Variants in MIDEAS observed in about 807,000 individuals in gnomAD.
MIDEAS encodes mitotic deacetylase associated SANT domain protein, also known as mitotic deacetylase-associated SANT domain protein.
A neutral mutation model predicts 102.7 loss-of-function variants in MIDEAS; 26 were observed. The ratio of observed to expected loss-of-function variants is 0.25; its 90% CI spans 0.19 to 0.35. MIDEAS has a LOEUF of 0.35. Among genes scored for constraint, MIDEAS ranks in the 10% least tolerant of loss-of-function variants. The pLI is 1.00. For synonymous variants in MIDEAS, 585 were observed against 591.0 expected, an observed-to-expected ratio of 0.99 and a Z score of 0.15; for missense variants, 1,231 against 1,435.6, an observed-to-expected ratio of 0.86 and a Z score of 2.30.
chr14:73,781,315 T>C (rs2053755305), intron 1 of MIDEAS, among the ~76,000 whole-genome samples: 1 of 152,230 alleles, frequency 6.6e-6, no homozygotes, highest in Non-Finnish European at 1.5e-5. Flanking sequence ...ATTCTAAAAG[T>C]TGATTATTTT....
At chr14:73,773,136 C>T (rs1047822883) in intron 1 of MIDEAS, among the ~76,000 whole-genome samples, 1 of 148,900 alleles carries the variant, frequency 6.7e-6, no homozygotes, top group African/African-American at 2.4e-5. Flanking sequence ...CCACGCCTGG[C>T]TTCTCATACA....
Position 73,739,915 on chromosome 14 carries a change from G to A in MIDEAS, c.94C>T (p.Leu32=), listed in dbSNP as rs201885011. The part of the protein sequence containing the change: ...EPAPKEQPPP[L]QPPQQSIRVK... ...CTGATGGACTGCTGGGGGGGCTGCA[G>A]GGGAGGGGGCTGCTCCTTGGGAGCT... Residue 32 remains leucine (L), a synonymous_variant, in exon 2 of 13, where the codon CTG becomes TTG. Transcript: ENST00000423556. 5 of 1,544,006 alleles carry A rather than the reference G, an allele frequency of 3.2e-6. No homozygotes were observed. The East Asian group carries it at 6.8e-5, about 21-fold the overall frequency.
At chr14:73,724,802 G>C (rs981049233) in intron 9 of MIDEAS, 5 of 166,196 alleles carry the variant, frequency 3.0e-5, no homozygotes, top group Middle Eastern at 3.2e-3. Flanking sequence ...GATAAATCTA[G>C]GGAATGTGGG....
rs368686037 is a variant in MIDEAS at position 73,758,261 on chromosome 14, T to C, written c.-248+1502A>G. Among the ~76,000 whole-genome samples, 332 of 152,376 alleles carry C rather than the reference T, an allele frequency of 2.2e-3. 2 individuals carry two copies. The highest frequency in any genetic ancestry group is 7.5e-3 in the African/African-American group (314 of 41,594). ...ACCCGGGAAGGCTTCTCCTTTTCCC[T>C]GGGTTCTGAAGCCACTTAACACCCA... On this transcript the variant is annotated intron_variant, in intron 1 of 12. Coordinates refer to ENST00000423556, the MANE Select transcript of MIDEAS (RefSeq NM_001367710.1).
In MIDEAS at chr14:73,786,970, C is replaced by T. The variant is rs1200049088; in HGVS notation, c.-248+132G>A. 2.0e-5 allele frequency: 3 copies of T among 151,876 alleles called. No individual in the cohort carries two copies. In the East Asian group the frequency reaches 5.8e-4, roughly 29 times the overall value. The allele number at this position is 151,876 out of a possible 1,614,324, so 9.4% of individuals were successfully genotyped here. The stretch of plus-strand genomic sequence containing the variant: ...CGCCGAGCTCCCTCCCTGCAGCACC[C>T]CGGCACCCCAGCGCCCGGCCCAACC... On this transcript the variant is annotated intron_variant, in intron 1 of 11. Transcript: ENST00000394071.
intron 11 of MIDEAS, 65 bp downstream of exon 11, chr14:73,721,232 C>T: frequency 6.7e-7 from 1 of 1,499,460 alleles, no homozygotes; most frequent in Non-Finnish European, 9.2e-7. Flanking sequence ...TACCCTCCCT[C>T]CCACGCCCCC....
intron 9 of MIDEAS, 60 bp from the exon 10 acceptor site, chr14:73,722,907 A>G: frequency 1.3e-6 from 2 of 1,580,412 alleles, no homozygotes; most frequent in Non-Finnish European, 8.6e-7. Flanking sequence ...GCCTGTGGAG[A>G]ATCCAGCCTT....
At chr14:73,779,458 C>T (rs111919714) in intron 1 of MIDEAS, among the ~76,000 whole-genome samples, 1,629 of 150,106 alleles carry the variant, frequency 0.011, 24 homozygotes, top group African/African-American at 0.038. Context: ...GGTGAATTGA[C>T]GCATCAAGAG....
intron 1 of MIDEAS, among the ~76,000 whole-genome samples, chr14:73,779,567 A>ATTTTT (rs1343232133): frequency 3.7e-5 from 2 of 54,628 alleles, no homozygotes; most frequent in African/African-American, 2.3e-4. Flanking sequence ...TATTATTATT[A>ATTTTT]TTATTATTTT....
chr14:73,789,720 C>T, upstream of MIDEAS: 1 of 152,210 alleles, frequency 6.6e-6, no homozygotes, highest in Non-Finnish European at 1.5e-5. Context: ...GAAGGCCGAG[C>T]TCTCAGTCCT....
intron 1 of MIDEAS, among the ~76,000 whole-genome samples, chr14:73,750,662 C>A (rs1160293259): frequency 6.6e-6 from 1 of 152,176 alleles, no homozygotes; most frequent in African/African-American, 2.4e-5. Context: ...AAAGCAGGGC[C>A]CAGCTGGGAA....
In MIDEAS at chr14:73,717,363, C is replaced by T. The variant is rs1371000499; in HGVS notation, c.*1480G>A. ...AGAACCTCCTGGCCCTTTCACTTCA[C>T]CCATGCCAAATATGGCTTCTTCAAG... On this transcript the variant is annotated 3_prime_UTR_variant, in exon 13 of 13. Transcript: ENST00000423556. 1 of 152,220 alleles carries T rather than the reference C, an allele frequency of 6.6e-6. No homozygotes were observed. The highest frequency in any genetic ancestry group is 1.5e-5 in the Non-Finnish European group (1 of 68,054). 9.4% of individuals were successfully genotyped at this position (152,220 alleles called of 1,614,324 possible). A position where few individuals can be genotyped will look rare whatever the true frequency, so the allele number is the denominator to read the frequency against.
chr14:73,769,537 TAA>T (rs2053623162), intron 1 of MIDEAS, among the ~76,000 whole-genome samples: 1 of 152,234 alleles, frequency 6.6e-6, no homozygotes, highest in Non-Finnish European at 1.5e-5. Context: ...TGTGCTACCA[TAA>T]ACAGTTTAAA....
chr14:73,719,209 CGCCT>C lies in MIDEAS; in HGVS notation c.3134+92_3134+95del. ...AGCCAACCAGAAACGAGGCGGACAC[CGCCT>C]GTACCTCTTCCCCCTCCCCTCCACC... On this transcript the variant is annotated intron_variant, in intron 12 of 12. Coordinates refer to ENST00000423556, the MANE Select transcript of MIDEAS (RefSeq NM_001367710.1). The C allele has an allele frequency of 2.6e-6, 4 of 1,511,514 alleles. No individual in the cohort carries two copies. In the East Asian group the frequency reaches 9.9e-5, roughly 37 times the overall value. The allele number at this position is 1,511,514 out of a possible 1,614,324, so 93.6% of individuals were successfully genotyped here.
intron 1 of MIDEAS, among the ~76,000 whole-genome samples, chr14:73,751,291 C>T (rs1202143087): frequency 1.3e-5 from 2 of 152,220 alleles, no homozygotes; most frequent in Admixed American, 1.3e-4. Context: ...CAAACTTCCT[C>T]CCCCAAGAGT....
In MIDEAS at chr14:73,717,193, G is replaced by A. The variant is rs1218008588; in HGVS notation, c.*1650C>T. On this transcript the variant is annotated 3_prime_UTR_variant, in exon 13 of 13. Transcript: ENST00000423556. Reference sequence around the variant, plus strand: ...CTTCTTGGCTATCTCATAAGGAGTAGCAGTATGAATACTTTCTGGCTCCTT... The same window carrying A: ...CTTCTTGGCTATCTCATAAGGAGTAACAGTATGAATACTTTCTGGCTCCTT... 6.6e-6 allele frequency: 1 copy of A among 152,252 alleles called. No individual in the cohort carries two copies. The highest frequency in any genetic ancestry group is 1.5e-5 in the Non-Finnish European group (1 of 68,050). 9.4% of individuals were successfully genotyped at this position (152,252 alleles called of 1,614,324 possible). A position where few individuals can be genotyped will look rare whatever the true frequency, so the allele number is the denominator to read the frequency against.
In MIDEAS at chr14:73,719,363, CTG is replaced by C; in HGVS notation, c.3074_3075del (p.Thr1025ArgfsTer5). ...ALPFSEKKKK[T>X]ETFSKTQNQE... ...TGATTCTGGGTCTTACTGAATGTCT[CTG>C]TTTTTTTCTTCTTCTCTGAAAAAGG... On this transcript the variant is annotated frameshift_variant, in exon 12 of 13. Coordinates refer to ENST00000423556, the MANE Select transcript of MIDEAS (RefSeq NM_001367710.1). LOFTEE classifies it high-confidence loss of function. 2 of 1,613,960 alleles carry C rather than the reference CTG, an allele frequency of 1.2e-6. No homozygotes were observed. Among genetic ancestry groups the C allele is most frequent in the Non-Finnish European group, 8.5e-7 (1 of 1,179,970 alleles).
chr14:73,751,930 C>T (rs1052258445), intron 1 of MIDEAS, among the ~76,000 whole-genome samples: 1 of 152,026 alleles, frequency 6.6e-6, no homozygotes, highest in African/African-American at 2.4e-5. Context: ...TGGCTCTCCC[C>T]TGCTTGTCAG....
rs960355915 is a variant in MIDEAS, at chr14:73,715,978, C to T, written c.*2865G>A. The T allele has an allele frequency of 6.6e-6, 1 of 152,284 alleles. No homozygotes were observed. Among genetic ancestry groups the T allele is most frequent in the African/African-American group, 2.4e-5 (1 of 41,418 alleles). 9.4% of individuals were successfully genotyped at this position (152,284 alleles called of 1,614,324 possible). A position where few individuals can be genotyped will look rare whatever the true frequency, so the allele number is the denominator to read the frequency against. On this transcript the variant is annotated 3_prime_UTR_variant, in exon 13 of 13. Coordinates refer to ENST00000423556, the MANE Select transcript of MIDEAS (RefSeq NM_001367710.1). The stretch of plus-strand genomic sequence containing the variant: ...TCAGAAATGGTCTGCAACACAGGCA[C>T]TAGGTCAGTTTCCCGCCCTTAGCTG...
Sources: gnomAD v4.1 joint callset for allele counts (sites outside exome capture counted in the v4.1 genomes callset) on GRCh38, gnomAD v4.1.1 for gene constraint, MANE v1.5 for transcripts, NCBI Gene and HGNC (gene_info 2026-07-23, HGNC 2026-07-21) for gene names.